Variants in DCBLD2 observed in about 807,000 individuals in gnomAD.
DCBLD2 encodes the protein discoidin, CUB and LCCL domain containing 2.
In DCBLD2, 54 loss-of-function variants were observed where a neutral mutation model predicts 86.8. The observed-to-expected ratio is 0.62, with a 90% CI of 0.50 to 0.78. The LOEUF is 0.78. Ranked by LOEUF, DCBLD2 falls within the 30% of genes least tolerant of loss-of-function variation. DCBLD2 has a pLI of 0.00. For missense variants in DCBLD2, 908 were observed against 954.2 expected (o/e 0.95, Z 0.64); for synonymous variants, 354 against 341.3 (o/e 1.04, Z -0.41).
intron 3 of DCBLD2, among the ~76,000 whole-genome samples, chr3:98,839,147 C>CCTTCTTTCTTTCTTTCTT (rs1942563336): frequency 2.4e-4 from 1 of 4,190 alleles, no homozygotes; most frequent in African/African-American, 2.7e-4. Flanking sequence ...TTCCTTCCTT[C>CCTTCTTTCTTTCTTTCTT]TTTCTTTCTT....
rs144315154 is a variant in DCBLD2 at position 98,854,722 on chromosome 3, T to A, written c.434-5124A>T. On this transcript the variant is annotated intron_variant, in intron 2 of 15. Transcript: ENST00000326840. ...ATTGTACATCTTGATTTTAGAAAAG[T>A]GGCTATTTTGGTGTTATTCTTCTTA... Among the ~76,000 whole-genome samples, 199 of 152,342 alleles carry A rather than the reference T, an allele frequency of 1.3e-3. 1 individual carries two copies. In the East Asian group the frequency reaches 0.016, roughly 13 times the overall value.
intron 3 of DCBLD2, among the ~76,000 whole-genome samples, chr3:98,829,984 T>A (rs1317691215): frequency 1.3e-5 from 2 of 152,254 alleles, no homozygotes; most frequent in Admixed American, 1.3e-4. Flanking sequence ...TGTATTTCTC[T>A]AAAGATCGAT....
intron 1 of DCBLD2, among the ~76,000 whole-genome samples, chr3:98,888,988 T>C (rs553895136): frequency 3.4e-4 from 52 of 152,122 alleles, no homozygotes; most frequent in Non-Finnish European, 5.3e-4. Flanking sequence ...ATACTTTCTG[T>C]GAACTGGATT....
At position 98,870,735 on chromosome 3, in the gene DCBLD2, GAAAAAGAAAGAAAGA is replaced by G. The variant is rs1447030579; in HGVS notation, c.433+10790_433+10804del. Among the ~76,000 whole-genome samples the G allele has an allele frequency of 8.3e-5, 5 of 60,210 alleles. No individual in the cohort carries two copies. In the South Asian group the frequency reaches 2.6e-3, roughly 31 times the overall value. 39.5% of individuals were successfully genotyped at this position (60,210 alleles called of 152,430 possible). ...GAAAGAAAAAGGAAAAGAAAAGAAA[GAAAAAGAAAGAAAGA>G]AAGAAAGAAAGAAAGAAAGAAAGAA... is the stretch of plus-strand genomic sequence containing the variant. On this transcript the variant is annotated intron_variant, in intron 2 of 15. Transcript: ENST00000326840.
intron 1 of DCBLD2, among the ~76,000 whole-genome samples, chr3:98,882,996 C>T (rs1225915222): frequency 6.6e-6 from 1 of 152,166 alleles, no homozygotes; most frequent in Non-Finnish European, 1.5e-5. Flanking sequence ...GGAATCGCCA[C>T]ACTGTCTTCC....
chr3:98,800,772 A>G (rs1197971566), intron 14 of DCBLD2, 56 bp from the exon 15 acceptor site: 11 of 1,605,536 alleles, frequency 6.9e-6, no homozygotes, highest in Non-Finnish European at 9.4e-6. Flanking sequence ...TATCTCAAAC[A>G]GTAGTATCAA....
chr3:98,858,069 G>C (rs1942969927), intron 2 of DCBLD2, among the ~76,000 whole-genome samples: 1 of 152,214 alleles, frequency 6.6e-6, no homozygotes, highest in Non-Finnish European at 1.5e-5. Flanking sequence ...GCCCACGGTG[G>C]GGGGCAGGCT....
rs1225362301 is a variant in DCBLD2, at chr3:98,859,138, C to T, written c.434-9540G>A. Among the ~76,000 whole-genome samples the T allele has an allele frequency of 3.9e-5, 6 of 152,170 alleles. No individual in the cohort carries two copies. In the East Asian group the frequency reaches 1.2e-3, roughly 29 times the overall value. On this transcript the variant is annotated intron_variant, in intron 2 of 15. Coordinates refer to ENST00000326840, the MANE Select transcript of DCBLD2 (RefSeq NM_080927.4). Reference sequence around the variant, plus strand: ...GGAGGCTCACTCATTGCTAGCACAGCAGTCTGGGATTGAACTGCAAGGCAG... The same window carrying T: ...GGAGGCTCACTCATTGCTAGCACAGTAGTCTGGGATTGAACTGCAAGGCAG...
At chr3:98,870,154 G>A (rs1943232948) in intron 2 of DCBLD2, among the ~76,000 whole-genome samples, 1 of 152,114 alleles carries the variant, frequency 6.6e-6, no homozygotes, top group South Asian at 2.1e-4. Flanking sequence ...ATTCTTCTGT[G>A]TATGGCTATC....
intron 3 of DCBLD2, among the ~76,000 whole-genome samples, chr3:98,839,410 G>A (rs529722168): frequency 3.9e-5 from 6 of 152,134 alleles, no homozygotes; most frequent in African/African-American, 1.2e-4. Flanking sequence ...CACACTAGCT[G>A]TTTTTAGTTG....
At chr3:98,864,088 A>C (rs1391676610) in intron 2 of DCBLD2, among the ~76,000 whole-genome samples, 1 of 152,244 alleles carries the variant, frequency 6.6e-6, no homozygotes, top group Non-Finnish European at 1.5e-5. Context: ...ATGCAGCCAA[A>C]AGACACAGAA....
chr3:98,841,395 C>CATTTT (rs1452864897), intron 3 of DCBLD2, among the ~76,000 whole-genome samples: 1 of 152,152 alleles, frequency 6.6e-6, no homozygotes, highest in Non-Finnish European at 1.5e-5. Context: ...ATTTTCAAGA[C>CATTTT]ATAATAACTG....
chr3:98,815,970 A>G lies in DCBLD2; in HGVS notation c.1212+1799T>C, dbSNP rs951417018. ...GGGAAGGGAAATATTTGAAAAAAAA[A>G]GAACTACAATTTTCTAAATTTGATG... On this transcript the variant is annotated intron_variant, in intron 9 of 15. Coordinates refer to ENST00000326840, the MANE Select transcript of DCBLD2 (RefSeq NM_080927.4). 2.6e-5 allele frequency: 4 copies of G among 151,666 alleles called. No homozygotes were observed. In the South Asian group the frequency reaches 6.3e-4, roughly 24 times the overall value. 9.4% of individuals were successfully genotyped at this position (151,666 alleles called of 1,614,324 possible). A position where few individuals can be genotyped will look rare whatever the true frequency, so the allele number is the denominator to read the frequency against.
rs1576156227 is a variant in DCBLD2 at position 98,807,906 on chromosome 3, A to C, written c.1670+175T>G. ...ATACAAAAAAGGTACTTAGTAACTG[A>C]TTGTGGAATTGAACTTATTTATTTT... On this transcript the variant is annotated intron_variant, in intron 13 of 15. Coordinates refer to ENST00000326840, the MANE Select transcript of DCBLD2 (RefSeq NM_080927.4). 1.7e-5 allele frequency: 7 copies of C among 408,774 alleles called. No individual in the cohort carries two copies. The Middle Eastern group carries it at 2.0e-3, about 114-fold the overall frequency. 25.3% of individuals were successfully genotyped at this position (408,774 alleles called of 1,614,324 possible).
intron 1 of DCBLD2, among the ~76,000 whole-genome samples, chr3:98,898,634 T>C (rs962406623): frequency 6.6e-6 from 1 of 152,094 alleles, no homozygotes; most frequent in African/African-American, 2.4e-5. Context: ...TTACAACATG[T>C]ACAAATCCCA....
intron 2 of DCBLD2, among the ~76,000 whole-genome samples, chr3:98,872,824 AAATAT>A (rs1943302847): frequency 6.6e-6 from 1 of 152,208 alleles, no homozygotes; most frequent in Admixed American, 6.5e-5. Context: ...TGAACACAAC[AAATAT>A]AATATACATA....
intron 2 of DCBLD2, among the ~76,000 whole-genome samples, chr3:98,864,505 CATGGA>C (rs1349476656): frequency 6.6e-6 from 1 of 152,182 alleles, no homozygotes; most frequent in African/African-American, 2.4e-5. Flanking sequence ...ACATATACAC[CATGGA>C]ATACTATGCA....
chr3:98,857,012 G>A (rs752805541), intron 2 of DCBLD2, among the ~76,000 whole-genome samples: 1 of 152,158 alleles, frequency 6.6e-6, no homozygotes, highest in African/African-American at 2.4e-5. Context: ...GCAGACCCTC[G>A]CAGTGAGTGT....
At chr3:98,851,991 C>T (rs554373487) in intron 2 of DCBLD2, among the ~76,000 whole-genome samples, 6 of 152,144 alleles carry the variant, frequency 3.9e-5, no homozygotes, top group Non-Finnish European at 8.8e-5. Flanking sequence ...CCTAGAAAAC[C>T]TAGGCAATAC....
Sources: gnomAD v4.1 joint callset for allele counts (sites outside exome capture counted in the v4.1 genomes callset) on GRCh38, gnomAD v4.1.1 for gene constraint, MANE v1.5 for transcripts, NCBI Gene and HGNC (gene_info 2026-07-23, HGNC 2026-07-21) for gene names.